Variants in ADGRG6 observed in about 807,000 individuals in gnomAD.
ADGRG6 encodes the protein G-protein coupled receptor 126.
A neutral mutation model predicts 142.4 loss-of-function variants in ADGRG6; 84 were observed. The observed-to-expected ratio is 0.59, with a 90% CI of 0.49 to 0.71. The LOEUF (loss-of-function observed/expected upper bound fraction) is 0.71, where lower values mean the gene tolerates loss of function less well. Ranked by LOEUF, ADGRG6 falls within the 30% of genes least tolerant of loss-of-function variation. The pLI is 0.00. For synonymous variants in ADGRG6, 521 were observed against 520.5 expected, an observed-to-expected ratio of 1.00 and a Z score of -0.01; for missense variants, 1,367 against 1,466.6, an observed-to-expected ratio of 0.93 and a Z score of 1.11.
intron 1 of ADGRG6, among the ~76,000 whole-genome samples, chr6:142,308,598 T>C (rs1582952918): frequency 2.0e-5 from 3 of 152,094 alleles, no homozygotes; most frequent in East Asian, 1.9e-4. Flanking sequence ...TTACTACTTA[T>C]AGGCAAAGTA....
At chr6:142,305,638 G>T (rs1252573579) in intron 1 of ADGRG6, among the ~76,000 whole-genome samples, 1 of 152,134 alleles carries the variant, frequency 6.6e-6, no homozygotes, top group East Asian at 1.9e-4. Context: ...TGGAAAACCT[G>T]TAGTACAATA....
intron 24 of ADGRG6, among the ~76,000 whole-genome samples, chr6:142,438,854 C>A (rs1040329805): frequency 6.6e-6 from 1 of 152,046 alleles, no homozygotes; most frequent in Non-Finnish European, 1.5e-5. Context: ...TATGAAAGAA[C>A]ATAATATTTA....
At chr6:142,430,962 C>T (rs1438332210) in intron 22 of ADGRG6, among the ~76,000 whole-genome samples, 4 of 152,262 alleles carry the variant, frequency 2.6e-5, no homozygotes, top group South Asian at 4.1e-4. Context: ...TAACAACCCC[C>T]GTAGGCCCAC....
In ADGRG6 at chr6:142,360,949, G is replaced by A. The variant is rs117122058; in HGVS notation, c.104-6620G>A. Among the ~76,000 whole-genome samples, 1,418 of 152,312 alleles carry A rather than the reference G, an allele frequency of 9.3e-3. 7 individuals are homozygous for A. Among genetic ancestry groups the A allele is most frequent in the African/African-American group, 0.016 (651 of 41,572 alleles). Reference sequence around the variant, plus strand: ...TTACAGGCATGAGCCACTGCGCCCAGCCTCTACATTTGCTCTCTAGCCCCT... The same window carrying A: ...TTACAGGCATGAGCCACTGCGCCCAACCTCTACATTTGCTCTCTAGCCCCT... On this transcript the variant is annotated intron_variant, in intron 2 of 24. Transcript: ENST00000367609.
chr6:142,314,425 A>G (rs1777925060), intron 2 of ADGRG6, among the ~76,000 whole-genome samples: 1 of 152,108 alleles, frequency 6.6e-6, no homozygotes, highest in African/African-American at 2.4e-5. Context: ...TAATGTGGAG[A>G]GGGTTGGTAA....
At chr6:142,368,808 AATG>A (rs1562343032) in intron 3 of ADGRG6, among the ~76,000 whole-genome samples, 4 of 152,294 alleles carry the variant, frequency 2.6e-5, no homozygotes, top group East Asian at 1.9e-4. Flanking sequence ...ATGTTTTAAA[AATG>A]ATAAAATATA....
At chr6:142,418,975 A>T (rs1384395557) in intron 21 of ADGRG6, among the ~76,000 whole-genome samples, 2 of 152,142 alleles carry the variant, frequency 1.3e-5, no homozygotes, top group Non-Finnish European at 2.9e-5. Context: ...TATAAGTATC[A>T]AGTATCTTCT....
intron 2 of ADGRG6, among the ~76,000 whole-genome samples, chr6:142,313,152 G>GA (rs1178752852): frequency 2.0e-5 from 3 of 151,588 alleles, no homozygotes; most frequent in Admixed American, 6.6e-5. Flanking sequence ...TTACTAATCT[G>GA]AAAAAAAGCT....
chr6:142,311,548 T>C (rs1209876636), intron 2 of ADGRG6, among the ~76,000 whole-genome samples: 4 of 152,014 alleles, frequency 2.6e-5, no homozygotes, highest in Non-Finnish European at 5.9e-5. Flanking sequence ...ATTACAACTT[T>C]GGATATATAT....
intron 1 of ADGRG6, chr6:142,302,750 G>A (rs1216600505): frequency 9.8e-6 from 2 of 203,318 alleles, no homozygotes; most frequent in Non-Finnish European, 2.0e-5. Flanking sequence ...GTACTAGTAT[G>A]CCGAGAAAAT....
intron 15 of ADGRG6, among the ~76,000 whole-genome samples, chr6:142,406,666 A>AT (rs1775821714): frequency 6.6e-6 from 1 of 152,010 alleles, no homozygotes; most frequent in Admixed American, 6.5e-5. Context: ...AAATTTAAAA[A>AT]TTTTATCAAC....
intron 2 of ADGRG6, among the ~76,000 whole-genome samples, chr6:142,352,893 T>C (rs955531315): frequency 1.3e-5 from 2 of 152,102 alleles, no homozygotes; most frequent in African/African-American, 4.8e-5. Context: ...TAAAATTAGA[T>C]GAAGTGTGCC....
chr6:142,375,375 C>T (rs777810595), intron 4 of ADGRG6, among the ~76,000 whole-genome samples: 7 of 152,144 alleles, frequency 4.6e-5, no homozygotes, highest in Non-Finnish European at 7.4e-5. Context: ...TGACGTTAAA[C>T]ACTCACATTC....
chr6:142,359,691 G>A (rs560126978), intron 2 of ADGRG6, among the ~76,000 whole-genome samples: 3 of 152,320 alleles, frequency 2.0e-5, no homozygotes, highest in South Asian at 4.2e-4. Context: ...CATAGTCAGA[G>A]ATTATATCTT....
Position 142,446,088 on chromosome 6 carries a change from T to C in ADGRG6, c.*2573T>C, listed in dbSNP as rs1050500401. 6.5e-6 allele frequency: 1 copy of C among 152,760 alleles called. No individual in the cohort carries two copies. The highest frequency in any genetic ancestry group is 2.4e-5 in the African/African-American group (1 of 41,592). 9.5% of individuals were successfully genotyped at this position (152,760 alleles called of 1,614,324 possible). ...TATTAGAGAGACTGTATATATTTTT[T>C]CTAAATACTTTGTGAAATCATTTTT... On this transcript the variant is annotated 3_prime_UTR_variant, in exon 25 of 25. Transcript: ENST00000367609.
chr6:142,444,816 T>A lies in ADGRG6; in HGVS notation c.*1301T>A, dbSNP rs971958970. 6.6e-6 allele frequency: 1 copy of A among 152,214 alleles called. No homozygotes were observed. Among genetic ancestry groups the A allele is most frequent in the Non-Finnish European group, 1.5e-5 (1 of 68,034 alleles). 9.4% of individuals were successfully genotyped at this position (152,214 alleles called of 1,614,324 possible). ...AATTGTTCTTAGATGATGGAGTCCA[T>A]GCAGTTTCTTAGAAATCGGTCTCAG... On this transcript the variant is annotated 3_prime_UTR_variant, in exon 25 of 25. Transcript: ENST00000367609.
At chr6:142,317,784 ATATAT>A (rs1292104743) in intron 2 of ADGRG6, among the ~76,000 whole-genome samples, 7 of 95,196 alleles carry the variant, frequency 7.4e-5, no homozygotes, top group African/African-American at 3.1e-4. Context: ...ATATATATTT[ATATAT>A]AATATATATA....
rs991317629 is a variant in ADGRG6, at chr6:142,302,097, G to T, written c.-233G>T. 5.7e-6 allele frequency: 3 copies of T among 528,652 alleles called. No homozygotes were observed. The highest frequency in any genetic ancestry group is 1.0e-5 in the Non-Finnish European group (3 of 301,302). The allele number at this position is 528,652 out of a possible 1,614,324, so 32.7% of individuals were successfully genotyped here. ...ACTTCCCTGCGAGGAGGGACCTGCC[G>T]CCAGCCTGCTTCCTCGTCCGCAGGC... On this transcript the variant is annotated 5_prime_UTR_variant, in exon 1 of 25. Coordinates refer to ENST00000367609, the MANE Select transcript of ADGRG6 (RefSeq NM_198569.3).
intron 24 of ADGRG6, among the ~76,000 whole-genome samples, chr6:142,441,978 A>T (rs917774652): frequency 2.6e-5 from 4 of 152,102 alleles, no homozygotes; most frequent in Middle Eastern, 3.2e-3. Flanking sequence ...TGAGTATCCC[A>T]TTTCCCTTTT....
Sources: gnomAD v4.1 joint callset for allele counts (sites outside exome capture counted in the v4.1 genomes callset) on GRCh38, gnomAD v4.1.1 for gene constraint, MANE v1.5 for transcripts, NCBI Gene and HGNC (gene_info 2026-07-23, HGNC 2026-07-21) for gene names.